The following ANXA4 variants were observed in gnomAD, a reference collection of about 807,000 sequenced individuals.
The protein encoded by ANXA4 is 35-beta calcimedin.
In ANXA4, 39 loss-of-function variants were observed where a neutral mutation model predicts 49.8. The ratio of observed to expected loss-of-function variants is 0.78; its 90% CI spans 0.61 to 1.02. The LOEUF (loss-of-function observed/expected upper bound fraction) is 1.02. Among genes scored for constraint, ANXA4 ranks in the 50% least tolerant of loss-of-function variants. The pLI is 0.00. For missense variants in ANXA4, 360 were observed against 410.1 expected (o/e 0.88, Z 1.05); for synonymous variants, 134 against 152.5 (o/e 0.88, Z 0.89).
At chr2:69,678,395 T>C (rs1463031513) in intron 2 of ANXA4, among the ~76,000 whole-genome samples, 1 of 142,720 alleles carries the variant, frequency 7.0e-6, no homozygotes, top group African/African-American at 2.6e-5. Context: ...TTTTCTTTTT[T>C]TTTTTTTTTT....
intron 2 of ANXA4, among the ~76,000 whole-genome samples, chr2:69,658,587 T>G (rs1243974066): frequency 6.6e-6 from 1 of 152,158 alleles, no homozygotes; most frequent in Non-Finnish European, 1.5e-5. Flanking sequence ...CAGGGAGAGT[T>G]CAGAAAATAG....
At chr2:69,802,934 T>C (rs1673278750) in intron 3 of ANXA4, among the ~76,000 whole-genome samples, 1 of 151,650 alleles carries the variant, frequency 6.6e-6, no homozygotes, top group Non-Finnish European at 1.5e-5. Flanking sequence ...TGATGGCTCA[T>C]GCCTGTAATC....
At chr2:69,726,718 T>A (rs1264659711) in intron 3 of ANXA4, among the ~76,000 whole-genome samples, 2 of 152,224 alleles carry the variant, frequency 1.3e-5, no homozygotes, top group Non-Finnish European at 2.9e-5. Flanking sequence ...CACTTGCTTT[T>A]GAATTTTCTA....
chr2:69,685,145 A>G, intron 2 of ANXA4, among the ~76,000 whole-genome samples: 1 of 152,122 alleles, frequency 6.6e-6, no homozygotes, highest in East Asian at 1.9e-4. Flanking sequence ...CTGTAACCTC[A>G]ATCTCAGGCC....
chr2:69,767,411 T>G (rs7572000), intron 1 of ANXA4, among the ~76,000 whole-genome samples: 5,139 of 152,282 alleles, frequency 0.034, 126 homozygotes, highest in South Asian at 0.091. Flanking sequence ...CTATTGTGGT[T>G]GGATCAGCCA....
intron 3 of ANXA4, among the ~76,000 whole-genome samples, chr2:69,795,726 AG>A (rs1452866873): frequency 6.6e-6 from 1 of 152,212 alleles, no homozygotes; most frequent in African/African-American, 2.4e-5. Context: ...GCTTTCACTA[AG>A]GGAAGACAAA....
At chr2:69,679,048 T>A (rs1677505431) in intron 2 of ANXA4, among the ~76,000 whole-genome samples, 1 of 152,182 alleles carries the variant, frequency 6.6e-6, no homozygotes, top group African/African-American at 2.4e-5. Context: ...TTTTTTGAGT[T>A]GTTTTTATTG....
intron 1 of ANXA4, among the ~76,000 whole-genome samples, chr2:69,649,923 G>GTTTTTTTT (rs1676165833): frequency 2.1e-5 from 2 of 96,108 alleles, no homozygotes; most frequent in Non-Finnish European, 3.9e-5. Context: ...TGCCTGGCCT[G>GTTTTTTTT]ATTTTTTTTT....
chr2:69,822,667 G>A lies in ANXA4; in HGVS notation c.906+1846G>A, dbSNP rs1314295615. ...TACGTGCAATAAATCAGACACAAAC[G>A]GACAAATATTGTATGATTCTGCTTT... is the stretch of plus-strand genomic sequence containing the variant. On this transcript the variant is annotated intron_variant, in intron 12 of 12. Coordinates refer to ENST00000394295, the MANE Select transcript of ANXA4 (RefSeq NM_001153.5). Among the ~76,000 whole-genome samples the A allele has an allele frequency of 2.6e-5, 4 of 152,092 alleles. No individual in the cohort carries two copies. In the East Asian group the frequency reaches 5.8e-4, roughly 22 times the overall value.
In ANXA4 at chr2:69,673,576, A is replaced by T. The variant is rs1039431621; in HGVS notation, n.766+20294A>T. 2.0e-5 allele frequency among the ~76,000 whole-genome samples: 3 copies of T among 152,070 alleles called. No homozygotes were observed. The South Asian group carries it at 6.2e-4, about 32-fold the overall frequency. ...ATGTAGATGACGGGTTGATGGGCAC[A>T]GCAAACCACCATGGCATGTGTATAC... On this transcript the variant is annotated intron_variant and non_coding_transcript_variant, in intron 2 of 3. Transcript: ENST00000418066.
At position 69,656,997 on chromosome 2, in the gene ANXA4, C is replaced by CT. The variant is rs1281424151; in HGVS notation, n.766+3715_766+3716insT. Among the ~76,000 whole-genome samples, 102 of 149,504 alleles carry CT rather than the reference C, an allele frequency of 6.8e-4. 1 individual carries two copies. The highest frequency in any genetic ancestry group is 2.4e-3 in the African/African-American group (99 of 40,648). On this transcript the variant is annotated intron_variant and non_coding_transcript_variant, in intron 2 of 3. Coordinates refer to the ANXA4 transcript ENST00000418066. ...TTTTTACTGATATAATCACTATATTCATTTTTTTTTTTTTTTTGAGGTGGA... is the reference window on the plus strand; with the variant it reads ...TTTTTACTGATATAATCACTATATTCTATTTTTTTTTTTTTTTTGAGGTGGA...
chr2:69,689,582 GA>G (rs375582650), intron 2 of ANXA4, among the ~76,000 whole-genome samples: 5 of 152,194 alleles, frequency 3.3e-5, no homozygotes, highest in African/African-American at 1.2e-4. Flanking sequence ...TATGACTATT[GA>G]AATACATTTA....
intron 3 of ANXA4, among the ~76,000 whole-genome samples, chr2:69,729,076 C>T (rs1448438453): frequency 6.6e-6 from 1 of 152,166 alleles, no homozygotes; most frequent in Non-Finnish European, 1.5e-5. Context: ...TGCAGTGGCA[C>T]GATCTCGGCT....
chr2:69,743,273 A>G (rs2105471643), intron 1 of ANXA4, among the ~76,000 whole-genome samples: 1 of 152,112 alleles, frequency 6.6e-6, no homozygotes, highest in South Asian at 2.1e-4. Context: ...GCTGGAGCGC[A>G]GTGATATGAT....
intron 2 of ANXA4, among the ~76,000 whole-genome samples, chr2:69,680,471 T>C (rs1677557242): frequency 6.7e-6 from 1 of 149,750 alleles, no homozygotes; most frequent in South Asian, 2.1e-4. Context: ...GACTTCCTCT[T>C]TTCCAATCTG....
rs58470798 is a variant in ANXA4, at chr2:69,731,901, G to A, written n.864+11030G>A. Among the ~76,000 whole-genome samples the A allele has an allele frequency of 6.7e-3, 1,027 of 152,188 alleles. 13 individuals are homozygous for A. Among genetic ancestry groups the A allele is most frequent in the African/African-American group, 0.023 (956 of 41,504 alleles). On this transcript the variant is annotated intron_variant and non_coding_transcript_variant, in intron 3 of 3. Transcript: ENST00000418066. ...AACAGGTTTTGGGGAAGGAAAGAAAGGGTGTCGCTCCTTTGGGGCAGGAAA... is the reference window on the plus strand; with the variant it reads ...AACAGGTTTTGGGGAAGGAAAGAAAAGGTGTCGCTCCTTTGGGGCAGGAAA...
chr2:69,652,341 A>G (rs993529934), intron 1 of ANXA4, among the ~76,000 whole-genome samples: 1 of 152,060 alleles, frequency 6.6e-6, no homozygotes, highest in Non-Finnish European at 1.5e-5. Flanking sequence ...TTCTTTTTAT[A>G]TGCTGTAGAA....
chr2:69,647,245 A>C (rs1168164955), intron 1 of ANXA4, among the ~76,000 whole-genome samples: 1 of 152,152 alleles, frequency 6.6e-6, no homozygotes, highest in Non-Finnish European at 1.5e-5. Context: ...ACCAGCCTGC[A>C]GGCTGCAACC....
At chr2:69,690,992 A>G (rs1018401975) in intron 2 of ANXA4, among the ~76,000 whole-genome samples, 3 of 152,232 alleles carry the variant, frequency 2.0e-5, no homozygotes, top group African/African-American at 7.2e-5. Flanking sequence ...AATGAATTCT[A>G]GAGATGAAGG....
Sources: gnomAD v4.1 joint callset for allele counts (sites outside exome capture counted in the v4.1 genomes callset) on GRCh38, gnomAD v4.1.1 for gene constraint, MANE v1.5 for transcripts, NCBI Gene and HGNC (gene_info 2026-07-23, HGNC 2026-07-21) for gene names.